Variants in PPA2 observed in about 807,000 individuals in gnomAD.
PPA2 encodes the protein inorganic pyrophosphatase 2, also known as inorganic pyrophosphatase 2, mitochondrial.
In PPA2, 48 loss-of-function variants were observed where a neutral mutation model predicts 49.5. The observed-to-expected ratio is 0.97, with a 90% CI of 0.77 to 1.23. The LOEUF (loss-of-function observed/expected upper bound fraction) is 1.23, where lower values mean the gene tolerates loss of function less well. Ranked by LOEUF, PPA2 falls within the 50% of genes most tolerant of loss-of-function variation. The probability of loss-of-function intolerance (pLI) is 0.00; values close to 1 mark genes in which losing one functional copy is unlikely to be tolerated. For missense variants in PPA2, 429 were observed against 410.1 expected, an observed-to-expected ratio of 1.05 and a Z score of -0.40; for synonymous variants, 131 against 139.9, an observed-to-expected ratio of 0.94 and a Z score of 0.45.
chr4:105,394,196 G>C (rs541926339), intron 9 of PPA2, among the ~76,000 whole-genome samples: 1 of 151,740 alleles, frequency 6.6e-6, no homozygotes, highest in Non-Finnish European at 1.5e-5. Context: ...GTAAAACTCC[G>C]TCTCTACTAA....
chr4:105,473,643 AC>A (rs762485352), intron 1 of PPA2: 3 of 727,268 alleles, frequency 4.1e-6, no homozygotes, highest in East Asian at 2.7e-5. Flanking sequence ...GGCGCTATCT[AC>A]CCCCCAGCCG....
At chr4:105,373,931 C>T (rs1406812717) in intron 10 of PPA2, among the ~76,000 whole-genome samples, 2 of 151,978 alleles carry the variant, frequency 1.3e-5, no homozygotes, top group Non-Finnish European at 2.9e-5. Flanking sequence ...TAAACATCAG[C>T]TATTTGACTC....
At chr4:105,415,567 C>T (rs1024342945) in intron 7 of PPA2, among the ~76,000 whole-genome samples, 3 of 152,176 alleles carry the variant, frequency 2.0e-5, no homozygotes, top group Non-Finnish European at 2.9e-5. Context: ...CTTCTCAGGC[C>T]CCCGAGAGTG....
intron 1 of PPA2, among the ~76,000 whole-genome samples, chr4:105,459,536 T>A (rs575328626): frequency 6.6e-6 from 1 of 152,188 alleles, no homozygotes; most frequent in Non-Finnish European, 1.5e-5. Flanking sequence ...AAACATACAA[T>A]TAGCATGTGA....
intron 9 of PPA2, 53 bp from the exon 10 acceptor site, chr4:105,386,689 C>A (rs967150461): frequency 1.4e-6 from 2 of 1,480,744 alleles, no homozygotes; most frequent in Non-Finnish European, 1.9e-6. Context: ...GAAACAATTA[C>A]CAAAAAAACC....
At chr4:105,450,009 T>C in intron 3 of PPA2, among the ~76,000 whole-genome samples, 1 of 152,102 alleles carries the variant, frequency 6.6e-6, no homozygotes, top group East Asian at 1.9e-4. Flanking sequence ...GAGTTCAGAC[T>C]CCCTAAAGTT....
intron 7 of PPA2, among the ~76,000 whole-genome samples, chr4:105,416,286 G>A (rs916164745): frequency 1.3e-5 from 2 of 152,118 alleles, no homozygotes; most frequent in Non-Finnish European, 2.9e-5. Flanking sequence ...GCATACAATC[G>A]GCTGAGAATT....
chr4:105,401,394 TA>T (rs1007970938), intron 7 of PPA2, among the ~76,000 whole-genome samples: 1 of 152,170 alleles, frequency 6.6e-6, no homozygotes, highest in African/African-American at 2.4e-5. Context: ...TATTTACATT[TA>T]AAAAATGTAA....
In PPA2 at chr4:105,456,683, C is replaced by T; in HGVS notation, c.220G>A (p.Glu74Lys). The T allele has an allele frequency of 6.2e-7, 1 of 1,600,986 alleles. No individual in the cohort carries two copies. The highest frequency in any genetic ancestry group is 8.5e-7 in the Non-Finnish European group (1 of 1,170,492). ...CCCAAAACAAGTCAAAACAATACCT[C>T]TTTAGAGTTCACCTTCAGAGGAATA... Reference protein sequence around the residue: ...HDIPLKVNSKEENGIPMKKAR... With the variant: ...HDIPLKVNSKKENGIPMKKAR... The change falls in exon 2 of 12, where the codon GAG becomes AAG. Residue 74 changes from glutamate (E) to lysine (K), a missense_variant and splice_region_variant. Glu to Lys is a moderately conservative substitution (Grantham distance 56, BLOSUM62 1). Transcript: ENST00000341695.
At chr4:105,398,035 A>G (rs1256695699) in intron 8 of PPA2, among the ~76,000 whole-genome samples, 4 of 152,060 alleles carry the variant, frequency 2.6e-5, no homozygotes, top group Non-Finnish European at 5.9e-5. Context: ...GAAGTTGTAT[A>G]AATGACCTCA....
intron 7 of PPA2, among the ~76,000 whole-genome samples, chr4:105,400,637 T>G (rs1432008559): frequency 1.3e-5 from 2 of 152,132 alleles, no homozygotes; most frequent in Non-Finnish European, 2.9e-5. Context: ...AATTTTCTGT[T>G]GCTTAAATCT....
intron 7 of PPA2, among the ~76,000 whole-genome samples, chr4:105,404,550 C>T (rs1339711013): frequency 6.6e-6 from 1 of 152,128 alleles, no homozygotes; most frequent in Non-Finnish European, 1.5e-5. Flanking sequence ...TCTGGTACTT[C>T]CATATTGTAT....
chr4:105,466,375 T>C (rs944281063), intron 1 of PPA2, among the ~76,000 whole-genome samples: 4 of 151,940 alleles, frequency 2.6e-5, no homozygotes, highest in Non-Finnish European at 5.9e-5. Context: ...GGAAATCACA[T>C]TCTAGTTGGG....
Position 105,369,228 on chromosome 4 carries a change from CTT to C in PPA2, c.*495_*496del, listed in dbSNP as rs35271623. ...TTTGTGCTATGAAATGAAACAAAAT[CTT>C]TTTTTTTTTTTTGAGACGGAGTCTC... On this transcript the variant is annotated 3_prime_UTR_variant, in exon 12 of 12. Coordinates refer to ENST00000341695, the MANE Select transcript of PPA2 (RefSeq NM_176869.3). The C allele has an allele frequency of 2.8e-5, 4 of 144,544 alleles. No homozygotes were observed. The highest frequency in any genetic ancestry group is 4.6e-5 in the Non-Finnish European group (3 of 65,774). The allele number at this position is 144,544 out of a possible 1,614,324, so 9.0% of individuals were successfully genotyped here.
intron 1 of PPA2, 152 bp downstream of exon 1, chr4:105,473,741 CG>C (rs1723636792): frequency 8.7e-7 from 1 of 1,147,240 alleles, no homozygotes. Context: ...CGCGCTCCCG[CG>C]GGAAGTAAGG....
chr4:105,404,807 C>T (rs1470695835), intron 7 of PPA2, among the ~76,000 whole-genome samples: 3 of 152,140 alleles, frequency 2.0e-5, no homozygotes, highest in Non-Finnish European at 2.9e-5. Context: ...ACAGGCCAGG[C>T]ACGGTGGCTC....
intron 1 of PPA2, among the ~76,000 whole-genome samples, chr4:105,458,838 A>AC (rs1407873854): frequency 1.3e-5 from 2 of 148,974 alleles, no homozygotes; most frequent in African/African-American, 5.1e-5. Context: ...AAAAAAAAAA[A>AC]AAAAAAAGGC....
At chr4:105,398,987 T>C (rs746651151) in intron 8 of PPA2, 50 bp downstream of exon 8, 12 of 1,566,322 alleles carry the variant, frequency 7.7e-6, no homozygotes, top group Non-Finnish European at 1.0e-5. Flanking sequence ...GAAACGAATA[T>C]TGTACAGGTA....
At chr4:105,448,026 G>A (rs1722487042) in intron 4 of PPA2, 2 of 362,806 alleles carry the variant, frequency 5.5e-6, no homozygotes, top group Admixed American at 3.2e-5. Flanking sequence ...GATTACAGGT[G>A]TTAGCCACTG....
Sources: gnomAD v4.1 joint callset for allele counts (sites outside exome capture counted in the v4.1 genomes callset) on GRCh38, gnomAD v4.1.1 for gene constraint, MANE v1.5 for transcripts, NCBI Gene and HGNC (gene_info 2026-07-23, HGNC 2026-07-21) for gene names.